Variants in CPSF7 observed in about 807,000 individuals in gnomAD.
The protein encoded by CPSF7 is cleavage and polyadenylation specific factor 7.
In CPSF7, 1 loss-of-function variant was observed where a neutral mutation model predicts 44.3. The ratio of observed to expected loss-of-function variants is 0.02; its 90% CI spans 0.01 to 0.11. The LOEUF (loss-of-function observed/expected upper bound fraction) is 0.11. Among genes scored for constraint, CPSF7 ranks in the 10% least tolerant of loss-of-function variants. The pLI is 1.00. For missense variants in CPSF7, 443 were observed against 607.2 expected, an observed-to-expected ratio of 0.73 and a Z score of 2.84; for synonymous variants, 202 against 222.0, an observed-to-expected ratio of 0.91 and a Z score of 0.80.
At chr11:61,418,957 A>G (rs879618226) in intron 5 of CPSF7, among the ~76,000 whole-genome samples, 1 of 150,258 alleles carries the variant, frequency 6.7e-6, no homozygotes, top group South Asian at 2.1e-4. Flanking sequence ...GACCTCAGGT[A>G]TCTGCCCGCC....
rs1488783503 is a variant in CPSF7, at chr11:61,402,799, G to C, written c.*1911C>G. Reference sequence around the variant, plus strand: ...AAGACAAACAAATCACCGACAACAGGGGGACGGGACCTTGGCCTTTTTGAG... The same window carrying C: ...AAGACAAACAAATCACCGACAACAGCGGGACGGGACCTTGGCCTTTTTGAG... On this transcript the variant is annotated 3_prime_UTR_variant, in exon 10 of 10. Transcript: ENST00000439958. 6.6e-6 allele frequency: 1 copy of C among 152,508 alleles called. No homozygotes were observed. Among genetic ancestry groups the C allele is most frequent in the Non-Finnish European group, 1.5e-5 (1 of 68,018 alleles). 9.4% of individuals were successfully genotyped at this position (152,508 alleles called of 1,614,324 possible). A position where few individuals can be genotyped will look rare whatever the true frequency, so the allele number is the denominator to read the frequency against.
chr11:61,415,886 G>C, intron 6 of CPSF7, 102 bp from the exon 7 acceptor site: 2 of 936,804 alleles, frequency 2.1e-6, no homozygotes, highest in East Asian at 2.4e-5. Flanking sequence ...AACAATGCTA[G>C]ACATCTGTAG....
At chr11:61,425,471 T>A (rs1861263201) in intron 2 of CPSF7, among the ~76,000 whole-genome samples, 2 of 152,330 alleles carry the variant, frequency 1.3e-5, no homozygotes, top group South Asian at 4.1e-4. Context: ...GAATTTTGTG[T>A]TTAATGGCAC....
intron 2 of CPSF7, among the ~76,000 whole-genome samples, chr11:61,423,058 T>C (rs1410283696): frequency 6.8e-5 from 9 of 132,812 alleles, no homozygotes; most frequent in South Asian, 2.3e-4. Flanking sequence ...GCCCGGGAGG[T>C]TGAGGTTGCA....
intron 3 of CPSF7, chr11:61,420,903 A>G (rs1860803049): frequency 2.0e-6 from 1 of 501,700 alleles, no homozygotes; most frequent in African/African-American, 1.9e-5. Context: ...GACCATTGCC[A>G]GAACTTCCCC....
At chr11:61,408,195 T>TACAGGC (rs1429444403) in intron 9 of CPSF7, among the ~76,000 whole-genome samples, 1 of 152,014 alleles carries the variant, frequency 6.6e-6, no homozygotes. Flanking sequence ...TAGCTGGGAC[T>TACAGGC]ACAGGCACCT....
At chr11:61,421,725 T>C (rs1452959134) in intron 2 of CPSF7, 117 bp from the exon 3 acceptor site, 1 of 712,528 alleles carries the variant, frequency 1.4e-6, no homozygotes, top group African/African-American at 1.8e-5. Flanking sequence ...AAAACTTCCT[T>C]GTCCTACCCC....
In CPSF7 at chr11:61,429,287, G is replaced by A; in HGVS notation, c.-52C>T. 1.9e-6 allele frequency: 3 copies of A among 1,599,946 alleles called. No individual in the cohort carries two copies. Among genetic ancestry groups the A allele is most frequent in the Non-Finnish European group, 2.6e-6 (3 of 1,167,206 alleles). On this transcript the variant is annotated 5_prime_UTR_variant, in exon 2 of 10. Transcript: ENST00000439958. Reference sequence around the variant, plus strand: ...GGAGGATGGACAAAGTAAGGAAGATGCCACTGCGGGATTCGGAAAAATGCA... The same window carrying A: ...GGAGGATGGACAAAGTAAGGAAGATACCACTGCGGGATTCGGAAAAATGCA...
intron 1 of CPSF7, 75 bp downstream of exon 1, chr11:61,429,839 A>G: frequency 6.5e-7 from 1 of 1,540,650 alleles, no homozygotes. Flanking sequence ...ATCTCAACCG[A>G]CCCCCTTCCC....
chr11:61,405,096 T>C (rs1231360034), intron 9 of CPSF7, among the ~76,000 whole-genome samples: 1 of 152,184 alleles, frequency 6.6e-6, no homozygotes, highest in Non-Finnish European at 1.5e-5. Context: ...AAGAAGTCTA[T>C]TCTGTGCAAG....
intron 7 of CPSF7, among the ~76,000 whole-genome samples, chr11:61,415,095 G>A (rs1276946577): frequency 1.3e-5 from 2 of 152,028 alleles, no homozygotes; most frequent in Non-Finnish European, 2.9e-5. Flanking sequence ...AAAATTAGCC[G>A]GGCGTGGTGG....
chr11:61,419,555 C>T (rs970593332), intron 5 of CPSF7, among the ~76,000 whole-genome samples: 4 of 152,280 alleles, frequency 2.6e-5, no homozygotes, highest in South Asian at 4.1e-4. Flanking sequence ...TATAGAGAGG[C>T]ATGTCTTAAA....
In CPSF7 at chr11:61,402,873, G is replaced by T. The variant is rs1390251961; in HGVS notation, c.*1837C>A. The T allele has an allele frequency of 6.6e-6, 1 of 152,310 alleles. No homozygotes were observed. Among genetic ancestry groups the T allele is most frequent in the Non-Finnish European group, 1.5e-5 (1 of 67,974 alleles). The allele number at this position is 152,310 out of a possible 1,614,324, so 9.4% of individuals were successfully genotyped here. ...GCTATCAGGAAATAAAACTAAAAATGGTGTCATTGAGTAAAAACAAAACAA... is the reference window on the plus strand; with the variant it reads ...GCTATCAGGAAATAAAACTAAAAATTGTGTCATTGAGTAAAAACAAAACAA... On this transcript the variant is annotated 3_prime_UTR_variant, in exon 10 of 10. Transcript: ENST00000439958.
At chr11:61,413,576 A>G (rs1860042645) in intron 7 of CPSF7, among the ~76,000 whole-genome samples, 1 of 151,342 alleles carries the variant, frequency 6.6e-6, no homozygotes, top group South Asian at 2.1e-4. Context: ...GGTTGCAGTG[A>G]GTCGGGATCA....
At chr11:61,412,743 A>G (rs1456465915) in intron 7 of CPSF7, among the ~76,000 whole-genome samples, 1 of 152,274 alleles carries the variant, frequency 6.6e-6, no homozygotes, top group Non-Finnish European at 1.5e-5. Flanking sequence ...CCCTTAGCAC[A>G]GTGCCAGGCA....
intron 5 of CPSF7, among the ~76,000 whole-genome samples, chr11:61,417,521 G>C (rs1017015886): frequency 6.6e-6 from 1 of 152,208 alleles, no homozygotes; most frequent in African/African-American, 2.4e-5. Context: ...GCCACTGGCA[G>C]CAAGTGTGGA....
At chr11:61,411,458 C>A (rs1254926501) in intron 8 of CPSF7, among the ~76,000 whole-genome samples, 1 of 152,114 alleles carries the variant, frequency 6.6e-6, no homozygotes. Flanking sequence ...ACAAGAAGGT[C>A]ATACAGATAG....
At chr11:61,419,346 A>G (rs1400075434) in intron 5 of CPSF7, among the ~76,000 whole-genome samples, 1 of 152,168 alleles carries the variant, frequency 6.6e-6, no homozygotes, top group African/African-American at 2.4e-5. Context: ...CTAATGGGAT[A>G]TAACTGCCAA....
intron 9 of CPSF7, chr11:61,410,601 A>T: frequency 5.4e-6 from 1 of 185,208 alleles, no homozygotes; most frequent in Non-Finnish European, 1.1e-5. Flanking sequence ...AGTTGCTTTT[A>T]TTATCTTCAT....
Sources: allele counts gnomAD v4.1 joint callset (sites outside exome capture counted in the v4.1 genomes callset), GRCh38; gene constraint gnomAD v4.1.1; transcripts MANE v1.5; gene names NCBI Gene and HGNC (gene_info 2026-07-23, HGNC 2026-07-21).